Variants in TYW1 observed in about 807,000 individuals in gnomAD.
The protein encoded by TYW1 is tRNA-yW synthesizing protein 1 homolog.
Under a neutral mutation model 96.2 loss-of-function variants are expected in TYW1, and 46 were observed. The ratio of observed to expected loss-of-function variants is 0.48; its 90% confidence interval spans 0.38 to 0.61. The LOEUF (loss-of-function observed/expected upper bound fraction) is 0.61, where lower values mean the gene tolerates loss of function less well. Ranked by LOEUF, TYW1 falls within the 20% of genes least tolerant of loss-of-function variation. The pLI is 0.00. For missense variants in TYW1, 684 were observed against 909.6 expected, an observed-to-expected ratio of 0.75 and a Z score of 3.19; for synonymous variants, 274 against 323.0, an observed-to-expected ratio of 0.85 and a Z score of 1.63.
At chr7:67,043,665 C>T (rs1795097605) in intron 7 of TYW1, among the ~76,000 whole-genome samples, 1 of 152,096 alleles carries the variant, frequency 6.6e-6, no homozygotes, top group South Asian at 2.1e-4. Context: ...GAGGTGATAT[C>T]CTTTCAACCC....
At chr7:67,229,121 T>G (rs1801661432) in intron 15 of TYW1, among the ~76,000 whole-genome samples, 1 of 152,216 alleles carries the variant, frequency 6.6e-6, no homozygotes, top group South Asian at 2.1e-4. Context: ...AGCTTTCGGC[T>G]CCCCTCGTTT....
intron 1 of TYW1, 76 bp from the exon 2 acceptor site, chr7:66,997,989 T>G (rs1793247448): frequency 6.7e-7 from 1 of 1,489,236 alleles, no homozygotes; most frequent in Middle Eastern, 1.8e-4. Context: ...TTGGTTTTAT[T>G]TTCTTCTTAA....
intron 13 of TYW1, among the ~76,000 whole-genome samples, chr7:67,131,089 C>T (rs932904050): frequency 1.1e-4 from 17 of 151,694 alleles, no homozygotes; most frequent in African/African-American, 4.1e-4. Context: ...CTGTTATTTC[C>T]CAACAACCTG....
chr7:67,071,915 C>T (rs1225374308), intron 10 of TYW1, among the ~76,000 whole-genome samples: 1 of 151,856 alleles, frequency 6.6e-6, no homozygotes, highest in Non-Finnish European at 1.5e-5. Context: ...AGCCACCATA[C>T]CCGGCCTGGA....
intron 7 of TYW1, among the ~76,000 whole-genome samples, chr7:67,029,593 G>A (rs1176678079): frequency 6.6e-6 from 1 of 151,864 alleles, no homozygotes; most frequent in Non-Finnish European, 1.5e-5. Context: ...ATAGAAGACT[G>A]CCCTGACTTC....
intron 3 of TYW1, among the ~76,000 whole-genome samples, chr7:66,999,396 C>T (rs1793300372): frequency 6.6e-6 from 1 of 152,076 alleles, no homozygotes; most frequent in Non-Finnish European, 1.5e-5. Flanking sequence ...ACTCTGTCAC[C>T]CAGGCTGGAG....
At chr7:67,021,557 C>T (rs4717344) in intron 6 of TYW1, among the ~76,000 whole-genome samples, 17,195 of 151,680 alleles carry the variant, frequency 0.11, 101 homozygotes, top group Admixed American at 0.14. Context: ...CTGCATGGCT[C>T]CTTTTCGTAT....
chr7:67,227,100 G>A (rs1801585461), intron 15 of TYW1, among the ~76,000 whole-genome samples: 1 of 152,028 alleles, frequency 6.6e-6, no homozygotes, highest in Non-Finnish European at 1.5e-5. Flanking sequence ...TATGGCCTTT[G>A]AAATGCTGAT....
At chr7:67,138,731 T>A (rs1412553712) in intron 13 of TYW1, among the ~76,000 whole-genome samples, 3 of 152,228 alleles carry the variant, frequency 2.0e-5, no homozygotes, top group African/African-American at 7.2e-5. Flanking sequence ...CATGCGATGT[T>A]TGCCTTTCTG....
intron 11 of TYW1, among the ~76,000 whole-genome samples, chr7:67,085,909 G>A (rs1796535265): frequency 6.6e-6 from 1 of 151,866 alleles, no homozygotes; most frequent in Non-Finnish European, 1.5e-5. Flanking sequence ...GGCAAAGGTT[G>A]CAGTGAGCTG....
At chr7:67,047,132 A>G (rs918751936) in intron 7 of TYW1, among the ~76,000 whole-genome samples, 1 of 152,150 alleles carries the variant, frequency 6.6e-6, no homozygotes, top group Non-Finnish European at 1.5e-5. Flanking sequence ...AATTTTTTAC[A>G]TGATTTGTAG....
chr7:67,064,722 C>T (rs1221113850), intron 9 of TYW1, among the ~76,000 whole-genome samples: 7 of 152,118 alleles, frequency 4.6e-5, no homozygotes, highest in African/African-American at 1.7e-4. Flanking sequence ...TCCCACAACA[C>T]GTGGGAATTC....
At chr7:67,065,358 G>A (rs186145431) in intron 9 of TYW1, among the ~76,000 whole-genome samples, 2 of 152,286 alleles carry the variant, frequency 1.3e-5, no homozygotes, top group Non-Finnish European at 2.9e-5. Flanking sequence ...ATGGGACAGG[G>A]GAGCACAGGG....
chr7:67,120,951 C>G (rs1797741909), intron 13 of TYW1, among the ~76,000 whole-genome samples: 1 of 152,162 alleles, frequency 6.6e-6, no homozygotes, highest in Admixed American at 6.5e-5. Context: ...TTTCTTTGGG[C>G]AATTTAAACT....
At chr7:67,196,975 A>C (rs571714651) in intron 15 of TYW1, among the ~76,000 whole-genome samples, 1 of 152,342 alleles carries the variant, frequency 6.6e-6, no homozygotes, top group South Asian at 2.1e-4. Flanking sequence ...CAAATCTTAC[A>C]CTACCACTTG....
At position 67,217,846 on chromosome 7, in the gene TYW1, C is replaced by CTT. The variant is rs57748332; in HGVS notation, c.1978-20436_1978-20435dup. 2.7e-3 allele frequency among the ~76,000 whole-genome samples: 188 copies of CTT among 69,250 alleles called. 16 individuals carry two copies. Among genetic ancestry groups the CTT allele is most frequent in the Non-Finnish European group, 3.5e-3 (128 of 37,014 alleles). 45.4% of individuals were successfully genotyped at this position (69,250 alleles called of 152,430 possible). ...AGATAACTTTGGGTAGTGTTGATGT[C>CTT]TTTTTTTTTTTTTTTTTTTTTTTTT... is the stretch of plus-strand genomic sequence containing the variant. On this transcript the variant is annotated intron_variant, in intron 15 of 15. Coordinates refer to ENST00000359626, the MANE Select transcript of TYW1 (RefSeq NM_018264.4).
chr7:67,026,248 T>A (rs1282541239), intron 7 of TYW1, among the ~76,000 whole-genome samples: 1 of 152,098 alleles, frequency 6.6e-6, no homozygotes, highest in East Asian at 1.9e-4. Flanking sequence ...AATTTTTGTA[T>A]TTTTAGTAGA....
At chr7:67,184,587 A>G (rs1203443676) in intron 14 of TYW1, among the ~76,000 whole-genome samples, 1 of 128,316 alleles carries the variant, frequency 7.8e-6, no homozygotes, top group Non-Finnish European at 1.6e-5. Flanking sequence ...CTTTTCTGAG[A>G]TGACATTTTA....
intron 15 of TYW1, among the ~76,000 whole-genome samples, chr7:67,227,662 C>G (rs1801610626): frequency 6.6e-6 from 1 of 151,994 alleles, no homozygotes; most frequent in African/African-American, 2.4e-5. Context: ...TAAGGTCAGA[C>G]ATGTAGCAGT....
Sources: gnomAD v4.1 joint callset for allele counts (sites outside exome capture counted in the v4.1 genomes callset) on GRCh38, gnomAD v4.1.1 for gene constraint, MANE v1.5 for transcripts, NCBI Gene and HGNC (gene_info 2026-07-23, HGNC 2026-07-21) for gene names.